PDPR: variants seen among roughly 807,000 people sequenced by gnomAD.
PDPR encodes the protein pyruvate dehydrogenase phosphatase regulatory subunit, mitochondrial.
PDPR carries 50 observed loss-of-function variants against 102.2 expected under a neutral mutation model. That is an observed-to-expected ratio of 0.49 (90% CI 0.39 to 0.62). The LOEUF (loss-of-function observed/expected upper bound fraction) is 0.62, where lower values mean the gene tolerates loss of function less well. PDPR is among the 20% of genes least tolerant of loss of function. PDPR has a pLI of 0.00. For missense variants in PDPR, 625 were observed against 1,098.2 expected, an observed-to-expected ratio of 0.57 and a Z score of 6.09; for synonymous variants, 259 against 406.0, an observed-to-expected ratio of 0.64 and a Z score of 4.35.
At position 70,157,077 on chromosome 16, in the gene PDPR, C is replaced by G. The variant is rs1479983215; in HGVS notation, c.*198C>G. ...CTTCCTTGCCCTTCCACCTCCTCCT[C>G]CTAATATTCACTCTGGGCTCTTCTT... On this transcript the variant is annotated 3_prime_UTR_variant, in exon 19 of 19. Transcript: ENST00000288050. 2 of 780,642 alleles carry G rather than the reference C, an allele frequency of 2.6e-6. No homozygotes were observed. Among genetic ancestry groups the G allele is most frequent in the Non-Finnish European group, 4.4e-6 (2 of 459,438 alleles). 48.4% of individuals were successfully genotyped at this position (780,642 alleles called of 1,614,324 possible).
intron 2 of PDPR, among the ~76,000 whole-genome samples, chr16:70,119,330 C>A (rs1293098089): frequency 6.6e-6 from 1 of 151,996 alleles, no homozygotes; most frequent in African/African-American, 2.4e-5. Context: ...GAAAACATCC[C>A]CCAACCCCCC....
At chr16:70,117,517 C>CA (rs1315263475) in intron 2 of PDPR, among the ~76,000 whole-genome samples, 1 of 151,206 alleles carries the variant, frequency 6.6e-6, no homozygotes, top group Non-Finnish European at 1.5e-5. Context: ...GACTCCATCT[C>CA]AAAAAAAATA....
intron 9 of PDPR, among the ~76,000 whole-genome samples, chr16:70,135,233 T>A (rs1312208315): frequency 7.2e-6 from 1 of 139,374 alleles, no homozygotes; most frequent in Non-Finnish European, 1.5e-5. Flanking sequence ...TGCAGAACAT[T>A]GCCTTTTTTT....
At chr16:70,155,944 C>T (rs1042343503) in intron 18 of PDPR, among the ~76,000 whole-genome samples, 1 of 152,140 alleles carries the variant, frequency 6.6e-6, no homozygotes, top group Admixed American at 6.6e-5. Context: ...TATAGGCACA[C>T]TCCACCAGAA....
intron 10 of PDPR, among the ~76,000 whole-genome samples, chr16:70,138,654 G>C (rs936526108): frequency 3.3e-5 from 5 of 152,250 alleles, no homozygotes; most frequent in African/African-American, 1.2e-4. Flanking sequence ...TGTCTGGCTG[G>C]CTTCTATGTT....
Position 70,160,894 on chromosome 16 carries a change from G to T in PDPR, c.*4015G>T. On this transcript the variant is annotated 3_prime_UTR_variant, in exon 19 of 19. Coordinates refer to ENST00000288050, the MANE Select transcript of PDPR (RefSeq NM_017990.5). ...TGGCTCTGTGTCTCCTCTGGCATAT[G>T]GACACATTTCCTGGCATTTGCCTGA... is the stretch of plus-strand genomic sequence containing the variant. The T allele has an allele frequency of 6.6e-6, 1 of 152,204 alleles. No homozygotes were observed. Among genetic ancestry groups the T allele is most frequent in the African/African-American group, 2.4e-5 (1 of 41,356 alleles). The allele number at this position is 152,204 out of a possible 1,614,324, so 9.4% of individuals were successfully genotyped here.
rs375171767 is a variant in PDPR, at chr16:70,153,547, C to T, written c.2209C>T (p.Arg737Ter). The part of the protein sequence containing the change: ...NNLTTPLECG[R>*]ESRVKLEKGM... ...CCTCACCACGCCCCTGGAATGTGGA[C>T]GAGAGTCTCGGGTGAAATTAGAGAA... Residue 737 changes from arginine to a stop codon, truncating the protein, a stop_gained, in exon 18 of 19, where the codon CGA becomes TGA. Transcript: ENST00000288050. LOFTEE classifies it high-confidence loss of function. 9 of 1,608,372 alleles carry T rather than the reference C, an allele frequency of 5.6e-6. No homozygotes were observed. Among genetic ancestry groups the T allele is most frequent in the South Asian group, 1.1e-5 (1 of 89,930 alleles).
chr16:70,128,626 G>A (rs1396963933), intron 4 of PDPR, among the ~76,000 whole-genome samples, 158 bp from the exon 5 acceptor site: 1 of 152,262 alleles, frequency 6.6e-6, no homozygotes, highest in Non-Finnish European at 1.5e-5. Context: ...TTAAAATTTT[G>A]CATAGAAGCT....
At chr16:70,126,523 C>T (rs1963985142) in intron 3 of PDPR, among the ~76,000 whole-genome samples, 1 of 152,246 alleles carries the variant, frequency 6.6e-6, no homozygotes, top group Non-Finnish European at 1.5e-5. Context: ...GCCACAATGC[C>T]TGGCTAATTT....
At chr16:70,124,953 G>T (rs1963769337) in intron 3 of PDPR, among the ~76,000 whole-genome samples, 1 of 152,276 alleles carries the variant, frequency 6.6e-6, no homozygotes, top group Admixed American at 6.5e-5. Context: ...TTGCAAAACT[G>T]GGTCTTTGGG....
At chr16:70,115,108 G>A (rs553397048) in intron 2 of PDPR, among the ~76,000 whole-genome samples, 178 bp downstream of exon 2, 1 of 152,170 alleles carries the variant, frequency 6.6e-6, no homozygotes, top group Non-Finnish European at 1.5e-5. Flanking sequence ...AGGGACTTGT[G>A]TTAATTTCTT....
chr16:70,120,595 C>T lies in PDPR; in HGVS notation c.103C>T (p.Arg35Cys), dbSNP rs780998248. The change falls in exon 3 of 19, where the codon CGT (arginine) becomes TGT (cysteine). Residue 35 changes from arginine (R) to cysteine (C), a missense_variant. Arg to Cys is a radical substitution (Grantham distance 180, BLOSUM62 -3). Coordinates refer to ENST00000288050, the MANE Select transcript of PDPR (RefSeq NM_017990.5). ...AAACAGCACGTCAGCTGCCGAGGCG[C>T]GTTCCATGGCCCTGCCCACCCAGGC... ...ARNSTSAAEARSMALPTQAQV... is the reference protein window; with the variant it reads ...ARNSTSAAEACSMALPTQAQV... The T allele has an allele frequency of 7.4e-6, 12 of 1,613,840 alleles. No individual in the cohort carries two copies. Among genetic ancestry groups the T allele is most frequent in the East Asian group, 2.2e-5 (1 of 44,894 alleles).
intron 9 of PDPR, among the ~76,000 whole-genome samples, chr16:70,134,853 C>G (rs1457282602): frequency 1.2e-4 from 18 of 152,238 alleles, no homozygotes; most frequent in African/African-American, 3.4e-4. Context: ...GAAAGAGTCT[C>G]TAATGAAGAA....
chr16:70,160,668 G>T lies in PDPR; in HGVS notation c.*3789G>T. The T allele has an allele frequency of 6.5e-6, 1 of 152,774 alleles. No homozygotes were observed. Among genetic ancestry groups the T allele is most frequent in the Non-Finnish European group, 1.5e-5 (1 of 68,340 alleles). The allele number at this position is 152,774 out of a possible 1,614,324, so 9.5% of individuals were successfully genotyped here. A position where few individuals can be genotyped will look rare whatever the true frequency, so the allele number is the denominator to read the frequency against. On this transcript the variant is annotated 3_prime_UTR_variant, in exon 19 of 19. Transcript: ENST00000288050. ...GTTTTACCTGCTTGCTTGCTTTCCT[G>T]GACTGCTGTTTGCAAGAAAGTAACT...
intron 9 of PDPR, among the ~76,000 whole-genome samples, chr16:70,133,381 C>A (rs1263850028): frequency 6.6e-6 from 1 of 150,490 alleles, no homozygotes; most frequent in South Asian, 2.1e-4. Flanking sequence ...CTCAGCCTCC[C>A]AAAGTGCTGG....
Position 70,157,120 on chromosome 16 carries a change from T to A in PDPR, c.*241T>A. 1.4e-6 allele frequency: 1 copy of A among 703,236 alleles called. No homozygotes were observed. Among genetic ancestry groups the A allele is most frequent in the Non-Finnish European group, 2.5e-6 (1 of 393,714 alleles). 43.6% of individuals were successfully genotyped at this position (703,236 alleles called of 1,614,324 possible). A position where few individuals can be genotyped will look rare whatever the true frequency, so the allele number is the denominator to read the frequency against. ...CTCTTCTTCCCTTCCCACCCCTCACTCAGCTTCTCGTGGTGGCAGGAGGTA... is the reference window on the plus strand; with the variant it reads ...CTCTTCTTCCCTTCCCACCCCTCACACAGCTTCTCGTGGTGGCAGGAGGTA... On this transcript the variant is annotated 3_prime_UTR_variant, in exon 19 of 19. Coordinates refer to ENST00000288050, the MANE Select transcript of PDPR (RefSeq NM_017990.5).
At chr16:70,124,690 G>A (rs911181000) in intron 3 of PDPR, among the ~76,000 whole-genome samples, 13 of 152,256 alleles carry the variant, frequency 8.5e-5, no homozygotes, top group African/African-American at 3.1e-4. Context: ...CGTCACCAGA[G>A]CTATAGGTGC....
At chr16:70,128,373 G>T (rs571331061) in intron 4 of PDPR, among the ~76,000 whole-genome samples, 1 of 152,344 alleles carries the variant, frequency 6.6e-6, no homozygotes, top group Non-Finnish European at 1.5e-5. Context: ...GATTACAGGC[G>T]TGCACCACCA....
At chr16:70,138,058 T>TTG (rs55830802) in intron 10 of PDPR, among the ~76,000 whole-genome samples, 1 of 151,028 alleles carries the variant, frequency 6.6e-6, no homozygotes, top group African/African-American at 2.4e-5. Context: ...TTTTTTTTTT[T>TTG]GAAACGAAGT....
Sources: gnomAD v4.1 joint callset for allele counts (sites outside exome capture counted in the v4.1 genomes callset) on GRCh38, gnomAD v4.1.1 for gene constraint, MANE v1.5 for transcripts, NCBI Gene and HGNC (gene_info 2026-07-23, HGNC 2026-07-21) for gene names.